Variants in ENOX1 observed in about 807,000 individuals in gnomAD.
The protein encoded by ENOX1 is ecto-NOX disulfide-thiol exchanger 1, also known as candidate growth-related and time keeping constitutive hydroquinone (NADH) oxidase.
In ENOX1, 42 loss-of-function variants were observed where a neutral mutation model predicts 82.5. The ratio of observed to expected loss-of-function variants is 0.51; its 90% confidence interval spans 0.40 to 0.66. The LOEUF (loss-of-function observed/expected upper bound fraction) is 0.66. Among genes scored for constraint, ENOX1 ranks in the 30% least tolerant of loss-of-function variants. ENOX1 has a pLI of 0.00. For missense variants in ENOX1, 608 were observed against 811.6 expected (o/e 0.75, Z 3.05); for synonymous variants, 271 against 282.2 (o/e 0.96, Z 0.40).
intron 13 of ENOX1, 60 bp from the exon 14 acceptor site, chr13:43,265,514 T>A: frequency 7.2e-7 from 1 of 1,390,222 alleles, no homozygotes; most frequent in Non-Finnish European, 1.0e-6. Context: ...GCAAATCTCT[T>A]AAGTATATCA....
intron 3 of ENOX1, among the ~76,000 whole-genome samples, chr13:43,480,421 G>T (rs1337561451): frequency 6.6e-6 from 1 of 152,170 alleles, no homozygotes; most frequent in African/African-American, 2.4e-5. Flanking sequence ...GGAAAGAACT[G>T]TGAGGATAAT....
chr13:43,390,522 A>G (rs184170967), intron 5 of ENOX1, among the ~76,000 whole-genome samples: 176 of 152,304 alleles, frequency 1.2e-3, no homozygotes, highest in Admixed American at 7.7e-3. Context: ...TCCTAGACCA[A>G]GGATTCACCA....
intron 12 of ENOX1, among the ~76,000 whole-genome samples, chr13:43,289,916 C>A (rs2045905440): frequency 6.6e-6 from 1 of 152,054 alleles, no homozygotes; most frequent in African/African-American, 2.4e-5. Flanking sequence ...GGACAAGGCA[C>A]ATGAACAGAT....
At chr13:43,650,692 A>G (rs9316048) in intron 2 of ENOX1, among the ~76,000 whole-genome samples, 150,986 of 152,258 alleles carry the variant, frequency 0.99, 74,875 homozygotes, top group Middle Eastern at 1. Flanking sequence ...ACAAAAATCA[A>G]CCAGGCACGG....
chr13:43,584,056 T>C (rs2080869054), intron 2 of ENOX1, among the ~76,000 whole-genome samples: 1 of 152,218 alleles, frequency 6.6e-6, no homozygotes, highest in African/African-American at 2.4e-5. Flanking sequence ...ATGCCTGCCC[T>C]GCTACCTTTC....
chr13:43,433,575 A>G (rs776921544), intron 3 of ENOX1, among the ~76,000 whole-genome samples: 1 of 152,230 alleles, frequency 6.6e-6, no homozygotes. Flanking sequence ...ATATATGTTT[A>G]TTCTCTTTAA....
At chr13:43,629,253 G>C (rs2083102231) in intron 2 of ENOX1, among the ~76,000 whole-genome samples, 2 of 152,316 alleles carry the variant, frequency 1.3e-5, no homozygotes, top group South Asian at 4.1e-4. Context: ...GTTTGGCAAA[G>C]AGATTAGTGT....
At chr13:43,733,446 C>G (rs1200238967) in intron 1 of ENOX1, among the ~76,000 whole-genome samples, 1 of 152,148 alleles carries the variant, frequency 6.6e-6, no homozygotes, top group African/African-American at 2.4e-5. Flanking sequence ...TTGGGCTTTA[C>G]AAACATGTCA....
chr13:43,698,413 T>TA (rs1330023503), intron 1 of ENOX1, among the ~76,000 whole-genome samples: 2 of 152,200 alleles, frequency 1.3e-5, no homozygotes, highest in Non-Finnish European at 2.9e-5. Flanking sequence ...CCCTAACTGT[T>TA]AGAGTAGCCA....
intron 1 of ENOX1, among the ~76,000 whole-genome samples, chr13:43,735,055 A>G (rs1338876628): frequency 6.6e-6 from 1 of 152,248 alleles, no homozygotes; most frequent in Non-Finnish European, 1.5e-5. Context: ...TGCTTCAGAT[A>G]TCCCAACTAA....
chr13:43,625,450 A>T (rs1322156347), intron 2 of ENOX1, among the ~76,000 whole-genome samples: 1 of 152,004 alleles, frequency 6.6e-6, no homozygotes, highest in African/African-American at 2.4e-5. Context: ...TTCACCTTTA[A>T]CTAAAATGTT....
At chr13:43,248,213 TA>T (rs1209419828) in intron 14 of ENOX1, among the ~76,000 whole-genome samples, 1 of 151,796 alleles carries the variant, frequency 6.6e-6, no homozygotes. Flanking sequence ...AGAAAAAATA[TA>T]AATAGTAGAC....
intron 5 of ENOX1, among the ~76,000 whole-genome samples, chr13:43,383,245 T>A (rs772411065): frequency 6.6e-6 from 1 of 152,144 alleles, no homozygotes; most frequent in Non-Finnish European, 1.5e-5. Flanking sequence ...GTTTTAGGTG[T>A]CATTGTATAT....
intron 5 of ENOX1, among the ~76,000 whole-genome samples, chr13:43,363,101 C>T (rs1449323069): frequency 6.6e-6 from 1 of 152,062 alleles, no homozygotes; most frequent in Non-Finnish European, 1.5e-5. Flanking sequence ...TCCAGGATTC[C>T]ATGCTGATGT....
chr13:43,751,311 G>C (rs1453326652), intron 1 of ENOX1, among the ~76,000 whole-genome samples: 2 of 152,140 alleles, frequency 1.3e-5, no homozygotes, highest in Non-Finnish European at 2.9e-5. Context: ...AGAATCTCCT[G>C]CATCACTGCT....
intron 1 of ENOX1, among the ~76,000 whole-genome samples, chr13:43,719,685 C>A (rs537965628): frequency 6.6e-6 from 1 of 152,210 alleles, no homozygotes; most frequent in African/African-American, 2.4e-5. Context: ...TGTGGACAGT[C>A]TCGGAACATG....
chr13:43,555,158 A>C (rs2079378765), intron 2 of ENOX1, among the ~76,000 whole-genome samples: 1 of 152,250 alleles, frequency 6.6e-6, no homozygotes, highest in African/African-American at 2.4e-5. Context: ...AATATCCCAA[A>C]GCTTTCATGA....
Position 43,250,560 on chromosome 13 carries a change from A to T in ENOX1, c.1612-13822T>A, listed in dbSNP as rs376869325. On this transcript the variant is annotated intron_variant, in intron 14 of 16. Coordinates refer to ENST00000690772, the MANE Select transcript of ENOX1 (RefSeq NM_001347969.2). ...AACCAGAGTCTCACAATTACTAATG[A>T]TGTATTTTCTTTTGGGGGCTGAATG... Among the ~76,000 whole-genome samples the T allele has an allele frequency of 2.6e-5, 4 of 152,288 alleles. No individual in the cohort carries two copies. In the East Asian group the frequency reaches 5.8e-4, roughly 22 times the overall value.
At chr13:43,334,720 C>T (rs1160783481) in intron 9 of ENOX1, among the ~76,000 whole-genome samples, 1 of 152,110 alleles carries the variant, frequency 6.6e-6, no homozygotes, top group South Asian at 2.1e-4. Flanking sequence ...ATCAAAGTGT[C>T]TGGAAAAAAA....
Sources: allele counts gnomAD v4.1 joint callset (sites outside exome capture counted in the v4.1 genomes callset), GRCh38; gene constraint gnomAD v4.1.1; transcripts MANE v1.5; gene names NCBI Gene and HGNC (gene_info 2026-07-23, HGNC 2026-07-21).